The following STXBP5L variants were observed in gnomAD, a reference collection of about 807,000 sequenced individuals.
STXBP5L encodes syntaxin-binding protein 5-like.
A neutral mutation model predicts 144.5 loss-of-function variants in STXBP5L; 65 were observed. The observed-to-expected ratio is 0.45, with a 90% CI of 0.37 to 0.55. The LOEUF (loss-of-function observed/expected upper bound fraction) is 0.55, where lower values mean the gene tolerates loss of function less well. Among genes scored for constraint, STXBP5L ranks in the 20% least tolerant of loss-of-function variants. STXBP5L has a pLI of 0.00. For synonymous variants in STXBP5L, 505 were observed against 469.6 expected, an observed-to-expected ratio of 1.08 and a Z score of -0.97; for missense variants, 1,298 against 1,405.5, an observed-to-expected ratio of 0.92 and a Z score of 1.22.
At chr3:120,958,027 G>A (rs9860626) in intron 3 of STXBP5L, among the ~76,000 whole-genome samples, 15,099 of 151,940 alleles carry the variant, frequency 0.099, 1,177 homozygotes, top group Admixed American at 0.2. Flanking sequence ...TAATAAAGAA[G>A]AAAAGGGAGA....
intron 3 of STXBP5L, among the ~76,000 whole-genome samples, chr3:121,000,800 C>T (rs1943711048): frequency 6.6e-6 from 1 of 152,030 alleles, no homozygotes; most frequent in African/African-American, 2.4e-5. Context: ...TTTTTATATT[C>T]TTTGCTACCT....
chr3:121,175,074 A>G (rs2046880162), intron 9 of STXBP5L, among the ~76,000 whole-genome samples: 1 of 152,164 alleles, frequency 6.6e-6, no homozygotes, highest in South Asian at 2.1e-4. Context: ...AGTACAAATA[A>G]GAGAACACTG....
At chr3:121,144,776 G>A (rs964447035) in intron 7 of STXBP5L, among the ~76,000 whole-genome samples, 8 of 151,832 alleles carry the variant, frequency 5.3e-5, no homozygotes, top group Admixed American at 1.3e-4. Flanking sequence ...GTATCCCTTC[G>A]TGTACCTATA....
intron 14 of STXBP5L, among the ~76,000 whole-genome samples, chr3:121,243,274 A>G (rs953387218): frequency 6.6e-6 from 1 of 152,150 alleles, no homozygotes; most frequent in Non-Finnish European, 1.5e-5. Flanking sequence ...AACCTGCAGT[A>G]TTTCAGACAG....
chr3:121,105,842 T>G (rs2043677735), intron 5 of STXBP5L, among the ~76,000 whole-genome samples: 1 of 152,188 alleles, frequency 6.6e-6, no homozygotes, highest in South Asian at 2.1e-4. Flanking sequence ...AAATTCTGGT[T>G]GTAGTTTTTT....
At chr3:121,071,003 C>T (rs1242496788) in intron 5 of STXBP5L, among the ~76,000 whole-genome samples, 2 of 152,158 alleles carry the variant, frequency 1.3e-5, no homozygotes, top group East Asian at 1.9e-4. Flanking sequence ...TAGTTATAGA[C>T]ACAAGTTCCT....
intron 9 of STXBP5L, among the ~76,000 whole-genome samples, chr3:121,190,946 G>A (rs551042358): frequency 1.9e-4 from 29 of 151,770 alleles, no homozygotes; most frequent in East Asian, 9.8e-4. Flanking sequence ...CAGACGGGGC[G>A]GCGGGGCAGA....
chr3:121,019,284 C>T (rs1276315040), intron 3 of STXBP5L, among the ~76,000 whole-genome samples: 18 of 152,154 alleles, frequency 1.2e-4, no homozygotes, highest in Admixed American at 1.2e-3. Flanking sequence ...TGGTCTTTGT[C>T]TACCTACCCT....
intron 5 of STXBP5L, among the ~76,000 whole-genome samples, chr3:121,092,897 T>G (rs2107741798): frequency 6.6e-6 from 1 of 152,334 alleles, no homozygotes; most frequent in South Asian, 2.1e-4. Context: ...AGTATGATAT[T>G]GGCTGTGGGT....
At chr3:120,959,199 G>A (rs1203831752) in intron 3 of STXBP5L, among the ~76,000 whole-genome samples, 2 of 152,142 alleles carry the variant, frequency 1.3e-5, no homozygotes, top group African/African-American at 2.4e-5. Context: ...TACAAGGGAC[G>A]TGAAGGACCT....
chr3:121,122,846 CATA>C (rs997530449), intron 7 of STXBP5L, among the ~76,000 whole-genome samples: 1 of 151,332 alleles, frequency 6.6e-6, no homozygotes, highest in African/African-American at 2.4e-5. Context: ...ACAAGAATCT[CATA>C]ATAAGAGATA....
chr3:121,184,420 A>C (rs112243644), intron 9 of STXBP5L, among the ~76,000 whole-genome samples: 18,126 of 151,470 alleles, frequency 0.12, 1,127 homozygotes, highest in Non-Finnish European at 0.14. Context: ...TGAAGCATAC[A>C]CAAATATCAA....
intron 19 of STXBP5L, among the ~76,000 whole-genome samples, chr3:121,289,617 A>G (rs1320859034): frequency 6.6e-6 from 1 of 152,208 alleles, no homozygotes; most frequent in Admixed American, 6.5e-5. Flanking sequence ...TCATGAGCAC[A>G]TGGAACATTA....
intron 5 of STXBP5L, among the ~76,000 whole-genome samples, chr3:121,082,563 T>G (rs953713194): frequency 1.3e-5 from 2 of 152,234 alleles, no homozygotes; most frequent in African/African-American, 2.4e-5. Context: ...TTAAATACTC[T>G]GCTCTGACCA....
intron 3 of STXBP5L, among the ~76,000 whole-genome samples, chr3:121,027,362 G>GT (rs1278470770): frequency 2.6e-5 from 4 of 152,066 alleles, no homozygotes; most frequent in Non-Finnish European, 5.9e-5. Flanking sequence ...GAACTGAAAG[G>GT]TTAACTTAAT....
At chr3:120,996,651 C>T (rs1481819262) in intron 3 of STXBP5L, among the ~76,000 whole-genome samples, 1 of 152,132 alleles carries the variant, frequency 6.6e-6, no homozygotes, top group Non-Finnish European at 1.5e-5. Context: ...CACCATTTTA[C>T]CCTGCTCCTA....
intron 9 of STXBP5L, among the ~76,000 whole-genome samples, chr3:121,167,660 A>G (rs941113105): frequency 6.6e-6 from 1 of 152,178 alleles, no homozygotes; most frequent in East Asian, 1.9e-4. Context: ...ATCTCTGAAA[A>G]AAATAAGACA....
At chr3:121,074,669 A>G (rs1471773388) in intron 5 of STXBP5L, among the ~76,000 whole-genome samples, 3 of 152,062 alleles carry the variant, frequency 2.0e-5, no homozygotes, top group Non-Finnish European at 4.4e-5. Flanking sequence ...ATCTTTATAA[A>G]TTTTGCATCT....
intron 5 of STXBP5L, among the ~76,000 whole-genome samples, chr3:121,046,211 G>A (rs1947506432): frequency 6.6e-6 from 1 of 152,142 alleles, no homozygotes; most frequent in Non-Finnish European, 1.5e-5. Flanking sequence ...CTGGGATAAA[G>A]CCTGCTTGAG....
Sources: gnomAD v4.1 joint callset for allele counts (sites outside exome capture counted in the v4.1 genomes callset) on GRCh38, gnomAD v4.1.1 for gene constraint, MANE v1.5 for transcripts, NCBI Gene and HGNC (gene_info 2026-07-23, HGNC 2026-07-21) for gene names.